CALN1: variants seen among roughly 807,000 people sequenced by gnomAD.
CALN1 encodes the protein calneuron 1.
Under a neutral mutation model 30.6 loss-of-function variants are expected in CALN1, and 17 were observed. That is an observed-to-expected ratio of 0.56 (90% CI 0.38 to 0.83). CALN1 has a LOEUF of 0.83. Among genes scored for constraint, CALN1 ranks in the 40% least tolerant of loss-of-function variants. The pLI, the probability that CALN1 is intolerant of heterozygous loss-of-function variation, is 0.00. For synonymous variants in CALN1, 156 were observed against 131.4 expected (o/e 1.19, Z -1.28); for missense variants, 291 against 354.9 (o/e 0.82, Z 1.45).
chr7:72,226,093 CAAAAAA>C (rs35950469), intron 3 of CALN1, among the ~76,000 whole-genome samples: 4 of 111,910 alleles, frequency 3.6e-5, no homozygotes, highest in African/African-American at 1.4e-4. Context: ...AGACTCCACC[CAAAAAA>C]AAAAAAAAAA....
At chr7:71,906,572 A>G (rs1278430022) in intron 5 of CALN1, among the ~76,000 whole-genome samples, 1 of 152,184 alleles carries the variant, frequency 6.6e-6, no homozygotes, top group Non-Finnish European at 1.5e-5. Flanking sequence ...CAGACCAGGC[A>G]CTGGGTATCA....
chr7:72,262,312 C>A (rs1796320494), intron 3 of CALN1, among the ~76,000 whole-genome samples: 1 of 152,232 alleles, frequency 6.6e-6, no homozygotes, highest in Non-Finnish European at 1.5e-5. Flanking sequence ...ATGTTTCCCA[C>A]ATCGAAACCC....
At chr7:71,862,206 T>C (rs983992610) in intron 5 of CALN1, among the ~76,000 whole-genome samples, 7 of 152,142 alleles carry the variant, frequency 4.6e-5, no homozygotes, top group African/African-American at 1.7e-4. Flanking sequence ...AAATCTAGGG[T>C]GTGGCTGAAA....
intron 4 of CALN1, among the ~76,000 whole-genome samples, chr7:72,028,750 G>A: frequency 6.6e-6 from 1 of 152,188 alleles, no homozygotes; most frequent in East Asian, 1.9e-4. Context: ...CAACACTTTG[G>A]GAGGCCGAGA....
intron 2 of CALN1, among the ~76,000 whole-genome samples, chr7:72,283,728 G>A (rs1349782271): frequency 1.3e-5 from 2 of 152,224 alleles, no homozygotes; most frequent in African/African-American, 4.8e-5. Flanking sequence ...CAAAGGGCAA[G>A]CTTCAGGGAG....
intron 5 of CALN1, among the ~76,000 whole-genome samples, chr7:72,000,540 AAAAAAG>A (rs1366711075): frequency 1.3e-5 from 2 of 152,174 alleles, no homozygotes; most frequent in African/African-American, 4.8e-5. Context: ...AAGATTTTGA[AAAAAAG>A]AAAAAATCTC....
chr7:72,435,501 G>A (rs1006729472), intron 1 of CALN1, among the ~76,000 whole-genome samples: 1 of 152,206 alleles, frequency 6.6e-6, no homozygotes, highest in Non-Finnish European at 1.5e-5. Flanking sequence ...GGGGCCTCCT[G>A]GAAGTGGACA....
intron 2 of CALN1, among the ~76,000 whole-genome samples, chr7:72,372,581 T>C (rs1360706337): frequency 6.6e-6 from 1 of 152,198 alleles, no homozygotes. Context: ...AATCAATCTA[T>C]AAACTTTGAG....
chr7:71,793,150 C>T (rs1488235337), intron 6 of CALN1, among the ~76,000 whole-genome samples: 3 of 151,916 alleles, frequency 2.0e-5, no homozygotes, highest in African/African-American at 7.3e-5. Context: ...ACTAAAAACA[C>T]AAAAAATTTG....
At chr7:72,076,646 A>AAAAAAAAAAAAAAAAAAAAAAAAAG (rs1563035689) in intron 4 of CALN1, among the ~76,000 whole-genome samples, 1 of 124,532 alleles carries the variant, frequency 8.0e-6, no homozygotes, top group African/African-American at 3.2e-5. Context: ...AAAAAAAAAA[A>AAAAAAAAAAAAAAAAAAAAAAAAAG]AGCAAAGACA....
At chr7:71,913,826 C>T (rs990318557) in intron 5 of CALN1, 3 of 152,236 alleles carry the variant, frequency 2.0e-5, no homozygotes, top group Admixed American at 2.0e-4. Flanking sequence ...CAGAAAAGAT[C>T]AGTCATGTTC....
At chr7:72,405,306 A>C (rs1355540804) in intron 1 of CALN1, among the ~76,000 whole-genome samples, 1 of 152,176 alleles carries the variant, frequency 6.6e-6, no homozygotes, top group Non-Finnish European at 1.5e-5. Flanking sequence ...ACACAACAGC[A>C]CTGGTCTTCA....
chr7:72,168,822 T>TTTA (rs1788727795), intron 3 of CALN1, among the ~76,000 whole-genome samples: 1 of 148,332 alleles, frequency 6.7e-6, no homozygotes, highest in African/African-American at 2.5e-5. Flanking sequence ...TTTTTTTTTT[T>TTTA]GAGATGGAGT....
chr7:72,295,997 G>C (rs974137671), intron 2 of CALN1, among the ~76,000 whole-genome samples: 2 of 151,782 alleles, frequency 1.3e-5, no homozygotes, highest in African/African-American at 4.8e-5. Context: ...ATTGGCTGTG[G>C]GTTTGTCATA....
the CALN1 span, among the ~76,000 whole-genome samples, chr7:72,500,343 C>T: frequency 4.8e-5 from 6 of 125,778 alleles, no homozygotes; most frequent in African/African-American, 9.4e-5. Flanking sequence ...TGCAGTGTCG[C>T]GATCTCGGTT....
At chr7:71,862,105 G>A (rs376111784) in intron 5 of CALN1, among the ~76,000 whole-genome samples, 5 of 152,310 alleles carry the variant, frequency 3.3e-5, no homozygotes, top group African/African-American at 1.2e-4. Context: ...AGAGAATCCC[G>A]AGCCTAATTC....
the CALN1 span, among the ~76,000 whole-genome samples, chr7:72,489,577 G>C: frequency 8.9e-4 from 136 of 152,166 alleles, 1 homozygote; most frequent in Admixed American, 5.5e-3. Context: ...TTGACTGTTT[G>C]CCTCAAGAGG....
chr7:71,894,467 A>ATAT (rs1793429792), intron 5 of CALN1, among the ~76,000 whole-genome samples: 1 of 152,096 alleles, frequency 6.6e-6, no homozygotes, highest in Non-Finnish European at 1.5e-5. Flanking sequence ...GAGTCTCGTT[A>ATAT]TGTTGCCCAG....
intron 3 of CALN1, among the ~76,000 whole-genome samples, chr7:72,124,908 T>C (rs1339498955): frequency 6.6e-6 from 1 of 152,064 alleles, no homozygotes; most frequent in Admixed American, 6.6e-5. Flanking sequence ...AACACAGATA[T>C]GCAAAAATTA....
Sources: allele counts gnomAD v4.1 joint callset (sites outside exome capture counted in the v4.1 genomes callset), GRCh38; gene constraint gnomAD v4.1.1; transcripts MANE v1.5; gene names NCBI Gene and HGNC (gene_info 2026-07-23, HGNC 2026-07-21).